Variants in EPHA6 observed in about 807,000 individuals in gnomAD.
The protein encoded by EPHA6 is EPH receptor A6.
EPHA6 carries 50 observed loss-of-function variants against 112.0 expected under a neutral mutation model. That is an observed-to-expected ratio of 0.45 (90% CI 0.36 to 0.56). The LOEUF (loss-of-function observed/expected upper bound fraction) is 0.56, where lower values mean the gene tolerates loss of function less well. EPHA6 is among the 20% of genes least tolerant of loss of function. The pLI is 0.00. For synonymous variants in EPHA6, 529 were observed against 490.7 expected, an observed-to-expected ratio of 1.08 and a Z score of -1.03; for missense variants, 1,280 against 1,417.4, an observed-to-expected ratio of 0.90 and a Z score of 1.56.
intron 16 of EPHA6, among the ~76,000 whole-genome samples, chr3:97,745,835 A>G (rs2035690912): frequency 6.6e-6 from 1 of 151,806 alleles, no homozygotes; most frequent in Non-Finnish European, 1.5e-5. Context: ...TTTTAAGGGT[A>G]ATTTTGATGG....
At chr3:96,994,204 C>A in intron 3 of EPHA6, 2 of 406,582 alleles carry the variant, frequency 4.9e-6, no homozygotes, top group East Asian at 4.2e-5. Context: ...AATTTAAAAG[C>A]AAACACGAAT....
At chr3:97,258,582 G>A (rs1360650767) in intron 5 of EPHA6, among the ~76,000 whole-genome samples, 1 of 152,040 alleles carries the variant, frequency 6.6e-6, no homozygotes, top group African/African-American at 2.4e-5. Context: ...TTAGTCTGCT[G>A]TTTACCATCT....
chr3:97,640,696 C>T (rs1576167775), intron 14 of EPHA6, among the ~76,000 whole-genome samples: 2 of 152,080 alleles, frequency 1.3e-5, no homozygotes, highest in Admixed American at 1.3e-4. Flanking sequence ...AGGAGAACCG[C>T]TTGAACCCAG....
chr3:97,319,990 A>G (rs2082033257), intron 5 of EPHA6, among the ~76,000 whole-genome samples: 1 of 152,008 alleles, frequency 6.6e-6, no homozygotes, highest in African/African-American at 2.4e-5. Context: ...TCTCACTTTA[A>G]AAACTCTCTC....
At chr3:97,192,082 A>G (rs1380032499) in intron 3 of EPHA6, among the ~76,000 whole-genome samples, 1 of 152,110 alleles carries the variant, frequency 6.6e-6, no homozygotes, top group African/African-American at 2.4e-5. Flanking sequence ...GTGATAATCA[A>G]TGATGTTGAA....
At chr3:97,196,872 A>G (rs1359779932) in intron 3 of EPHA6, among the ~76,000 whole-genome samples, 1 of 151,944 alleles carries the variant, frequency 6.6e-6, no homozygotes, top group East Asian at 2.0e-4. Context: ...GAGCTGAGGA[A>G]GGGGTGACAC....
chr3:96,872,455 C>G (rs1351608929), intron 2 of EPHA6, among the ~76,000 whole-genome samples: 1 of 152,028 alleles, frequency 6.6e-6, no homozygotes, highest in African/African-American at 2.4e-5. Flanking sequence ...AATTTCTGAC[C>G]TATTTCATTT....
intron 11 of EPHA6, among the ~76,000 whole-genome samples, chr3:97,545,888 C>G (rs570358031): frequency 5.3e-5 from 8 of 152,060 alleles, no homozygotes; most frequent in East Asian, 1.9e-4. Context: ...GGATTGCAAC[C>G]CCTGCCTTTT....
At chr3:97,049,394 G>T (rs184424098) in intron 3 of EPHA6, among the ~76,000 whole-genome samples, 91 of 152,288 alleles carry the variant, frequency 6.0e-4, no homozygotes, top group Non-Finnish European at 9.6e-4. Context: ...ATGTATGACT[G>T]TTAATTTGGT....
At chr3:97,189,669 C>A (rs2077248518) in intron 3 of EPHA6, among the ~76,000 whole-genome samples, 2 of 152,112 alleles carry the variant, frequency 1.3e-5, no homozygotes, top group African/African-American at 4.8e-5. Flanking sequence ...CATTTATTTT[C>A]TCTCCACTTT....
At chr3:97,726,636 G>T (rs2034782172) in intron 15 of EPHA6, among the ~76,000 whole-genome samples, 1 of 152,008 alleles carries the variant, frequency 6.6e-6, no homozygotes, top group African/African-American at 2.4e-5. Flanking sequence ...AGCGTATGAA[G>T]ATTTTTCTTC....
chr3:97,361,983 T>G (rs1472504999), intron 5 of EPHA6, among the ~76,000 whole-genome samples: 1 of 152,158 alleles, frequency 6.6e-6, no homozygotes, highest in African/African-American at 2.4e-5. Flanking sequence ...TTTTATTCAT[T>G]CAGAAAATAT....
chr3:97,592,667 G>T lies in EPHA6; in HGVS notation c.2442G>T (p.Gly814=), dbSNP rs2093555961. ...EAFCPSFLRA[G]FLNSIQAPHP... Reference sequence around the variant, plus strand: ...TTTGCCCCAGCTTCCTGAGGGCAGGGTTTTTAAATAGCATCCAGGCCCCGC... The same window carrying T: ...TTTGCCCCAGCTTCCTGAGGGCAGGTTTTTTAAATAGCATCCAGGCCCCGC... The change falls in exon 12 of 18, where the codon GGG becomes GGT. Residue 814 remains glycine (G), a synonymous_variant. Coordinates refer to ENST00000389672, the MANE Select transcript of EPHA6 (RefSeq NM_001080448.3). 1 of 1,613,482 alleles carries T rather than the reference G, an allele frequency of 6.2e-7. No individual in the cohort carries two copies. Among genetic ancestry groups the T allele is most frequent in the Non-Finnish European group, 8.5e-7 (1 of 1,179,738 alleles).
intron 15 of EPHA6, among the ~76,000 whole-genome samples, chr3:97,723,407 C>A (rs560716886): frequency 2.0e-5 from 3 of 152,262 alleles, no homozygotes; most frequent in African/African-American, 7.2e-5. Context: ...TCCAAGACGA[C>A]CATTTAGAGA....
At chr3:97,592,103 A>T (rs972377381) in intron 11 of EPHA6, among the ~76,000 whole-genome samples, 1 of 152,242 alleles carries the variant, frequency 6.6e-6, no homozygotes, top group South Asian at 2.1e-4. Context: ...AATTGTGTAC[A>T]TCAATTTTCT....
intron 3 of EPHA6, among the ~76,000 whole-genome samples, chr3:97,079,598 A>C (rs1259227838): frequency 7.3e-6 from 1 of 137,236 alleles, no homozygotes. Flanking sequence ...CTGAATTTAA[A>C]TTAAAAGTAA....
chr3:96,822,137 A>G (rs956784766), intron 1 of EPHA6, among the ~76,000 whole-genome samples: 1 of 151,944 alleles, frequency 6.6e-6, no homozygotes, highest in African/African-American at 2.4e-5. Context: ...AAATGTATAA[A>G]TATGCATTTT....
intron 1 of EPHA6, among the ~76,000 whole-genome samples, chr3:96,837,143 T>C (rs1055859559): frequency 1.3e-5 from 2 of 152,016 alleles, no homozygotes; most frequent in Non-Finnish European, 2.9e-5. Context: ...GTAGAGCAAA[T>C]AGAAGTGTGC....
chr3:97,257,389 G>A (rs577216880), intron 5 of EPHA6, among the ~76,000 whole-genome samples: 18 of 151,952 alleles, frequency 1.2e-4, no homozygotes, highest in Middle Eastern at 3.4e-3. Flanking sequence ...AGACAAGAGC[G>A]ATCAATTCTG....
Sources: gnomAD v4.1 joint callset for allele counts (sites outside exome capture counted in the v4.1 genomes callset) on GRCh38, gnomAD v4.1.1 for gene constraint, MANE v1.5 for transcripts, NCBI Gene and HGNC (gene_info 2026-07-23, HGNC 2026-07-21) for gene names.